Variants in FAM200B observed in about 807,000 individuals in gnomAD.
FAM200B encodes the protein protein FAM200B.
Under a neutral mutation model 33.1 loss-of-function variants are expected in FAM200B, and 32 were observed. The ratio of observed to expected loss-of-function variants is 0.97; its 90% CI spans 0.73 to 1.30. The LOEUF (loss-of-function observed/expected upper bound fraction) is 1.30. Among genes scored for constraint, FAM200B ranks in the 50% most tolerant of loss-of-function variants. FAM200B has a pLI of 0.00. For synonymous variants in FAM200B, 240 were observed against 264.8 expected, an observed-to-expected ratio of 0.91 and a Z score of 0.91; for missense variants, 741 against 754.0, an observed-to-expected ratio of 0.98 and a Z score of 0.20.
rs1373090432 is a variant in FAM200B at position 15,686,868 on chromosome 4, TTGAG to T, written c.-107_-104del. On this transcript the variant is annotated 5_prime_UTR_variant, in exon 2 of 2. An upstream open reading frame in the 5' UTR loses its in-frame stop. Transcript: ENST00000422728. ...GAAATATTCGATTCAATTGCAAACT[TTGAG>T]TGTAGTTTTTGAAAAGATGTTATTT... The T allele has an allele frequency of 3.0e-5, 16 of 529,092 alleles. No individual in the cohort carries two copies. The highest frequency in any genetic ancestry group is 4.8e-5 in the Non-Finnish European group (15 of 315,028). 32.8% of individuals were successfully genotyped at this position (529,092 alleles called of 1,614,324 possible). A position where few individuals can be genotyped will look rare whatever the true frequency, so the allele number is the denominator to read the frequency against.
chr4:15,689,068 T>G lies in FAM200B; in HGVS notation c.*117T>G. The G allele has an allele frequency of 5.1e-6, 4 of 789,262 alleles. No individual in the cohort carries two copies. The highest frequency in any genetic ancestry group is 7.1e-6 in the Non-Finnish European group (4 of 564,634). The allele number at this position is 789,262 out of a possible 1,614,324, so 48.9% of individuals were successfully genotyped here. On this transcript the variant is annotated 3_prime_UTR_variant, in exon 2 of 2. Coordinates refer to ENST00000422728, the MANE Select transcript of FAM200B (RefSeq NM_001145191.2). ...TACTTTTGTTATGTTTTAATTTTTG[T>G]TATATTTAATAAAATTATTTTATGT...
the FAM200B span, chr4:15,656,404 T>C: frequency 4.8e-5 from 20 of 418,116 alleles, no homozygotes; most frequent in East Asian, 7.2e-4. Flanking sequence ...GGAATTGTTA[T>C]TTGCTTAATG....
the FAM200B span, among the ~76,000 whole-genome samples, chr4:15,667,651 A>G: frequency 2.0e-5 from 3 of 152,160 alleles, no homozygotes; most frequent in African/African-American, 7.2e-5. Context: ...CACAAATACC[A>G]TGACAAACTG....
chr4:15,661,347 G>A, the FAM200B span, among the ~76,000 whole-genome samples: 5 of 152,140 alleles, frequency 3.3e-5, no homozygotes, highest in African/African-American at 1.2e-4. Context: ...TCTGTAAAGG[G>A]ATAGTGAGTC....
the FAM200B span, among the ~76,000 whole-genome samples, chr4:15,653,127 C>T: frequency 6.6e-6 from 1 of 152,056 alleles, no homozygotes; most frequent in Non-Finnish European, 1.5e-5. Flanking sequence ...CCTAAATCGC[C>T]TCAGTTTCAG....
chr4:15,676,619 G>C, the FAM200B span, among the ~76,000 whole-genome samples: 1 of 151,954 alleles, frequency 6.6e-6, no homozygotes, highest in African/African-American at 2.4e-5. Flanking sequence ...AAATGTTACA[G>C]GGTCATACAT....
chr4:15,663,638 G>C, the FAM200B span, among the ~76,000 whole-genome samples: 1 of 152,212 alleles, frequency 6.6e-6, no homozygotes, highest in Non-Finnish European at 1.5e-5. Flanking sequence ...CTAGTGGACT[G>C]TGGTGGAGAT....
chr4:15,661,089 AAGTT>A, the FAM200B span, among the ~76,000 whole-genome samples: 48 of 152,210 alleles, frequency 3.2e-4, no homozygotes, highest in South Asian at 1.0e-3. Flanking sequence ...AAAAAAAAAA[AAGTT>A]AGGTAACCTT....
chr4:15,666,535 T>C, the FAM200B span, among the ~76,000 whole-genome samples: 1 of 150,636 alleles, frequency 6.6e-6, no homozygotes, highest in Non-Finnish European at 1.5e-5. Context: ...GATCAAAGCA[T>C]GCAAAGTGTC....
the FAM200B span, among the ~76,000 whole-genome samples, chr4:15,671,566 G>T: frequency 5.9e-5 from 9 of 152,062 alleles, no homozygotes; most frequent in Admixed American, 2.0e-4. Context: ...GAGCCACCAC[G>T]CCTGGGTGGT....
chr4:15,642,718 T>C, the FAM200B span, among the ~76,000 whole-genome samples: 1 of 152,208 alleles, frequency 6.6e-6, no homozygotes, highest in South Asian at 2.1e-4. Flanking sequence ...ATGCTAATAA[T>C]AACTATCAAA....
In FAM200B at chr4:15,688,798, A is replaced by G; in HGVS notation, c.1821A>G (p.Thr607=). 2 of 1,551,404 alleles carry G rather than the reference A, an allele frequency of 1.3e-6. No individual in the cohort carries two copies. Among genetic ancestry groups the G allele is most frequent in the Non-Finnish European group, 1.7e-6 (2 of 1,146,808 alleles). The change falls in exon 2 of 2, where the codon ACA becomes ACG. Residue 607 remains threonine (T), a synonymous_variant. Coordinates refer to ENST00000422728, the MANE Select transcript of FAM200B (RefSeq NM_001145191.2). The part of the protein sequence containing the change: ...KSVLLLLPFT[T]TSLCELGFSI... The stretch of plus-strand genomic sequence containing the variant: ...TCCTGCTATTGCTACCATTCACAAC[A>G]ACTAGTTTGTGTGAACTAGGGTTTT...
Position 15,687,803 on chromosome 4 carries a change from T to C in FAM200B, c.826T>C (p.Leu276=). 1 of 1,550,940 alleles carries C rather than the reference T, an allele frequency of 6.4e-7. No individual in the cohort carries two copies. The highest frequency in any genetic ancestry group is 1.2e-5 in the South Asian group (1 of 83,976). The change falls in exon 2 of 2, where the codon TTA becomes CTA. Residue 276 remains leucine (L), a synonymous_variant. Coordinates refer to ENST00000422728, the MANE Select transcript of FAM200B (RefSeq NM_001145191.2). ...AAGTGGATTAGATATTTTTACAGAATTAGAAAGGCGCATAGTTGGCCAATA... is the reference window on the plus strand; with the variant it reads ...AAGTGGATTAGATATTTTTACAGAACTAGAAAGGCGCATAGTTGGCCAATA... The part of the protein sequence containing the change: ...HLSGLDIFTE[L]ERRIVGQYKL...
chr4:15,690,387 T>C lies in FAM200B; in HGVS notation c.*1436T>C, dbSNP rs1332345273. Reference sequence around the variant, plus strand: ...ATTTAATTTTTCAGATTTTCTGTTCTATTGAAGGTAATTGATTTTTTCTTT... The same window carrying C: ...ATTTAATTTTTCAGATTTTCTGTTCCATTGAAGGTAATTGATTTTTTCTTT... On this transcript the variant is annotated 3_prime_UTR_variant, in exon 2 of 2. Coordinates refer to ENST00000422728, the MANE Select transcript of FAM200B (RefSeq NM_001145191.2). 6.0e-6 allele frequency: 1 copy of C among 166,878 alleles called. No individual in the cohort carries two copies. The allele number at this position is 166,878 out of a possible 1,614,324, so 10.3% of individuals were successfully genotyped here.
At chr4:15,670,852 C>CA in the FAM200B span, among the ~76,000 whole-genome samples, 3 of 148,376 alleles carry the variant, frequency 2.0e-5, no homozygotes, top group African/African-American at 7.5e-5. Flanking sequence ...TGAATCCTTT[C>CA]AGTTGTTGTC....
At chr4:15,669,844 G>T in the FAM200B span, among the ~76,000 whole-genome samples, 1 of 151,928 alleles carries the variant, frequency 6.6e-6, no homozygotes, top group Admixed American at 6.6e-5. Flanking sequence ...CATTTTTTAT[G>T]AACTATATTT....
At chr4:15,670,914 CTTTTTTTTTTT>C in the FAM200B span, among the ~76,000 whole-genome samples, 4 of 54,180 alleles carry the variant, frequency 7.4e-5, no homozygotes, top group Non-Finnish European at 1.3e-4. Context: ...TGTGCGTAGA[CTTTTTTTTTTT>C]TTTTTTTTTT....
At chr4:15,674,600 T>A in the FAM200B span, among the ~76,000 whole-genome samples, 5,552 of 152,200 alleles carry the variant, frequency 0.036, 211 homozygotes, top group East Asian at 0.23. Context: ...TCTTTTCTCC[T>A]TATCAACTCA....
At chr4:15,676,201 A>G in the FAM200B span, among the ~76,000 whole-genome samples, 1 of 152,240 alleles carries the variant, frequency 6.6e-6, no homozygotes, top group South Asian at 2.1e-4. Flanking sequence ...TTTCAAAAAT[A>G]TTATTGAAGC....
Sources: gnomAD v4.1 joint callset for allele counts (sites outside exome capture counted in the v4.1 genomes callset) on GRCh38, gnomAD v4.1.1 for gene constraint, MANE v1.5 for transcripts, NCBI Gene and HGNC (gene_info 2026-07-23, HGNC 2026-07-21) for gene names.